Variants in DDHD1 observed in about 807,000 individuals in gnomAD.
DDHD1 encodes DDHD domain containing 1, also known as phospholipase DDHD1.
Under a neutral mutation model 96.4 loss-of-function variants are expected in DDHD1, and 49 were observed. The ratio of observed to expected loss-of-function variants is 0.51; its 90% CI spans 0.40 to 0.64. DDHD1 has a LOEUF of 0.64. Ranked by LOEUF, DDHD1 falls within the 30% of genes least tolerant of loss-of-function variation. The pLI is 0.00. For missense variants in DDHD1, 1,106 were observed against 1,161.2 expected (o/e 0.95, Z 0.69); for synonymous variants, 442 against 446.5 (o/e 0.99, Z 0.13).
intron 1 of DDHD1, among the ~76,000 whole-genome samples, chr14:53,143,721 G>A (rs1220883471): frequency 1.3e-5 from 2 of 152,212 alleles, no homozygotes; most frequent in Non-Finnish European, 2.9e-5. Context: ...ATGCTTGCTT[G>A]GACCAGTATA....
rs1471998862 is a variant in DDHD1 at position 53,042,690 on chromosome 14, C to T, written c.*4078G>A. The T allele has an allele frequency of 6.6e-6, 1 of 152,202 alleles. No individual in the cohort carries two copies. The highest frequency in any genetic ancestry group is 6.5e-5 in the Admixed American group (1 of 15,286). The allele number at this position is 152,202 out of a possible 1,614,324, so 9.4% of individuals were successfully genotyped here. ...GTTTTAAGTTCAGCCAGAGTACCATCAGATTCCTGGCAGAGGCTTGAGGCA... is the reference window on the plus strand; with the variant it reads ...GTTTTAAGTTCAGCCAGAGTACCATTAGATTCCTGGCAGAGGCTTGAGGCA... On this transcript the variant is annotated 3_prime_UTR_variant, in exon 13 of 13. Transcript: ENST00000673822.
intron 1 of DDHD1, among the ~76,000 whole-genome samples, chr14:53,119,476 C>T (rs182250288): frequency 6.6e-6 from 1 of 152,258 alleles, no homozygotes; most frequent in African/African-American, 2.4e-5. Context: ...CATCCTGAAA[C>T]CAAAACCTGG....
At chr14:53,150,340 A>C (rs1272196129) in intron 1 of DDHD1, among the ~76,000 whole-genome samples, 1 of 152,198 alleles carries the variant, frequency 6.6e-6, no homozygotes. Context: ...TGCATACTGC[A>C]CTGTATTCCC....
chr14:53,099,679 T>C (rs1343917795), intron 2 of DDHD1, among the ~76,000 whole-genome samples: 1 of 152,242 alleles, frequency 6.6e-6, no homozygotes, highest in Non-Finnish European at 1.5e-5. Flanking sequence ...TAAGTATTAA[T>C]GTTTACCAAA....
Position 53,060,008 on chromosome 14 carries a change from A to T in DDHD1, c.1842+1118T>A, listed in dbSNP as rs187588655. Among the ~76,000 whole-genome samples the T allele has an allele frequency of 1.3e-4, 19 of 150,084 alleles. No individual in the cohort carries two copies. In the East Asian group the frequency reaches 3.7e-3, roughly 29 times the overall value. On this transcript the variant is annotated intron_variant, in intron 8 of 12. Transcript: ENST00000673822. Reference sequence around the variant, plus strand: ...TATTGTTTTACAATGTATGGTATATATTTTTTTTAAAAAAACACTTTGTAA... The same window carrying T: ...TATTGTTTTACAATGTATGGTATATTTTTTTTTTAAAAAAACACTTTGTAA...
At chr14:53,058,667 GTGTT>G in intron 8 of DDHD1, 41 bp from the exon 9 acceptor site, 6 of 1,556,318 alleles carry the variant, frequency 3.9e-6, no homozygotes, top group Non-Finnish European at 5.2e-6. Context: ...AAATGGTGAA[GTGTT>G]ATCTTTCAAC....
chr14:53,073,742 T>C lies in DDHD1; in HGVS notation c.1395A>G (p.Gly465=). The C allele has an allele frequency of 3.7e-6, 6 of 1,605,230 alleles. No individual in the cohort carries two copies. Among genetic ancestry groups the C allele is most frequent in the Non-Finnish European group, 5.1e-6 (6 of 1,175,550 alleles). The part of the protein sequence containing the change: ...VEWRSKLTLD[G]DTVDSITPDK... Reference sequence around the variant, plus strand: ...CATTCAATTTTTAAATAAATATACCTCCATCAAGAGTAAGTTTTGACCGCC... The same window carrying C: ...CATTCAATTTTTAAATAAATATACCCCCATCAAGAGTAAGTTTTGACCGCC... Residue 465 remains glycine (G), a splice_region_variant and synonymous_variant, in exon 5 of 13, where the codon GGA becomes GGG. Coordinates refer to ENST00000673822, the MANE Select transcript of DDHD1 (RefSeq NM_001160148.2).
chr14:53,053,769 TA>T (rs1882808887), intron 11 of DDHD1: 1 of 152,160 alleles, frequency 6.6e-6, no homozygotes, highest in Non-Finnish European at 1.5e-5. Flanking sequence ...ACTAGACACC[TA>T]AAAATAATGT....
chr14:53,127,009 G>C (rs1203313158), intron 1 of DDHD1, among the ~76,000 whole-genome samples: 4 of 151,954 alleles, frequency 2.6e-5, no homozygotes, highest in African/African-American at 9.7e-5. Context: ...AAAGAACAGA[G>C]AAAAAGGAGA....
At chr14:53,150,677 T>G (rs1891281016) in intron 1 of DDHD1, among the ~76,000 whole-genome samples, 1 of 152,224 alleles carries the variant, frequency 6.6e-6, no homozygotes, top group African/African-American at 2.4e-5. Flanking sequence ...CACTAAGTCT[T>G]GGTACTTCTA....
chr14:53,123,012 G>A (rs1356852214), intron 1 of DDHD1, among the ~76,000 whole-genome samples: 2 of 151,874 alleles, frequency 1.3e-5, no homozygotes, highest in Non-Finnish European at 2.9e-5. Flanking sequence ...CACCGGTAAT[G>A]AGAGAGACAG....
intron 11 of DDHD1, chr14:53,052,490 T>G (rs1882683811): frequency 6.6e-6 from 1 of 152,124 alleles, no homozygotes; most frequent in Non-Finnish European, 1.5e-5. Flanking sequence ...CAGAATCACC[T>G]AATCACAATG....
At chr14:53,088,438 C>T (rs1165701017) in intron 4 of DDHD1, among the ~76,000 whole-genome samples, 1 of 152,082 alleles carries the variant, frequency 6.6e-6, no homozygotes, top group African/African-American at 2.4e-5. Context: ...ACTGGCAAAC[C>T]AAATCCAGCA....
intron 4 of DDHD1, among the ~76,000 whole-genome samples, chr14:53,078,946 G>T (rs1237726367): frequency 6.6e-6 from 1 of 151,754 alleles, no homozygotes; most frequent in East Asian, 1.9e-4. Flanking sequence ...TGTCTTTTCT[G>T]TATCTGAAAA....
intron 11 of DDHD1, 194 bp downstream of exon 11, chr14:53,054,244 G>A (rs997521129): frequency 5.8e-6 from 3 of 520,740 alleles, no homozygotes; most frequent in African/African-American, 5.7e-5. Context: ...CATCAATGCA[G>A]AAAGTAAAAC....
At chr14:53,086,970 A>C (rs1886020896) in intron 4 of DDHD1, among the ~76,000 whole-genome samples, 1 of 116,548 alleles carries the variant, frequency 8.6e-6, no homozygotes, top group African/African-American at 3.3e-5. Context: ...GCAAATGAAA[A>C]GCAAAAAAAA....
intron 1 of DDHD1, among the ~76,000 whole-genome samples, chr14:53,137,569 G>C (rs1265923034): frequency 6.6e-6 from 1 of 151,982 alleles, no homozygotes; most frequent in African/African-American, 2.4e-5. Flanking sequence ...TCCAGCCTGG[G>C]TGACACAGTG....
chr14:53,146,011 A>T (rs1595271364), intron 1 of DDHD1, among the ~76,000 whole-genome samples: 1 of 152,040 alleles, frequency 6.6e-6, no homozygotes, highest in East Asian at 1.9e-4. Flanking sequence ...GTTCAAGACC[A>T]GCCTGACCAA....
At chr14:53,059,166 G>A (rs1040175840) in intron 8 of DDHD1, among the ~76,000 whole-genome samples, 3 of 152,126 alleles carry the variant, frequency 2.0e-5, no homozygotes, top group Non-Finnish European at 4.4e-5. Flanking sequence ...TATTGGTGCT[G>A]GAAAGAATAA....
Sources: gnomAD v4.1 joint callset for allele counts (sites outside exome capture counted in the v4.1 genomes callset) on GRCh38, gnomAD v4.1.1 for gene constraint, MANE v1.5 for transcripts, NCBI Gene and HGNC (gene_info 2026-07-23, HGNC 2026-07-21) for gene names.